Variants in PDGFB observed in about 807,000 individuals in gnomAD.
The protein encoded by PDGFB is platelet derived growth factor subunit B.
Under a neutral mutation model 29.0 loss-of-function variants are expected in PDGFB, and 6 were observed. The ratio of observed to expected loss-of-function variants is 0.21; its 90% CI spans 0.11 to 0.41. The LOEUF (loss-of-function observed/expected upper bound fraction) is 0.41, where lower values mean the gene tolerates loss of function less well. Ranked by LOEUF, PDGFB falls within the 10% of genes least tolerant of loss-of-function variation. The pLI is 1.00. For missense variants in PDGFB, 299 were observed against 341.8 expected (o/e 0.87, Z 0.99); for synonymous variants, 144 against 140.8 (o/e 1.02, Z -0.16).
intron 1 of PDGFB, among the ~76,000 whole-genome samples, chr22:39,238,158 A>G (rs1028876002): frequency 2.0e-5 from 3 of 152,196 alleles, no homozygotes; most frequent in Admixed American, 2.0e-4. Flanking sequence ...TGCCCCTCCA[A>G]GGCTGAGTGT....
chr22:39,228,893 A>AAAAAAAAAAAAAATATATAT (rs1184799325), intron 5 of PDGFB, among the ~76,000 whole-genome samples: 43 of 132,496 alleles, frequency 3.2e-4, no homozygotes, highest in Non-Finnish European at 6.4e-4. Context: ...CCTCAAAAAA[A>AAAAAAAAAAAAAATATATAT]ATATATATAT....
chr22:39,225,746 G>C lies in PDGFB; in HGVS notation c.703C>G (p.Leu235Val), dbSNP rs766113027. The change falls in exon 6 of 7, where the codon CTG becomes GTG. Residue 235 changes from leucine to valine, a missense_variant. Transcript: ENST00000331163. ...CCCTAGGCTCCAAGGGTCTCCTTCA[G>C]TGCCGTCTTGTCATGCGTGTGCTTG... Reference protein sequence around the residue: ...KFKHTHDKTALKETLGA With the variant: ...KFKHTHDKTAVKETLGA 1.5e-5 allele frequency: 24 copies of C among 1,614,008 alleles called. No homozygotes were observed. The highest frequency in any genetic ancestry group is 2.7e-5 in the African/African-American group (2 of 74,934).
In PDGFB at chr22:39,225,675, T is replaced by C; in HGVS notation, c.*28+20A>G. 6.3e-7 allele frequency: 1 copy of C among 1,591,330 alleles called. No homozygotes were observed. ...GAAAACACAGGATTCTGGGCCTCAGTTGCCCCGCCTGGCCCTCACCTGCCC... is the reference window on the plus strand; with the variant it reads ...GAAAACACAGGATTCTGGGCCTCAGCTGCCCCGCCTGGCCCTCACCTGCCC... On this transcript the variant is annotated intron_variant, in intron 6 of 6. Transcript: ENST00000331163.
At chr22:39,236,431 G>A (rs1316881245) in intron 1 of PDGFB, among the ~76,000 whole-genome samples, 1 of 152,186 alleles carries the variant, frequency 6.6e-6, no homozygotes, top group East Asian at 1.9e-4. Flanking sequence ...GGAGGCCCCA[G>A]GTCCTAGCGG....
At position 39,230,139 on chromosome 22, in the gene PDGFB, T is replaced by A; in HGVS notation, c.546A>T (p.Thr182=). The A allele has an allele frequency of 6.2e-7, 1 of 1,614,108 alleles. No homozygotes were observed. The highest frequency in any genetic ancestry group is 2.2e-5 in the East Asian group (1 of 44,890). The change falls in exon 5 of 7, where the codon ACA becomes ACT. Residue 182 remains threonine (T), a synonymous_variant. Transcript: ENST00000331163. Reference sequence around the variant, plus strand: ...GGGTCACAGGCCGTGCAGCTGCCACTGTCTCACACTTGCATGCCAGGTGGT... The same window carrying A: ...GGGTCACAGGCCGTGCAGCTGCCACAGTCTCACACTTGCATGCCAGGTGGT... ...LEDHLACKCE[T]VAAARPVTRS...
intron 3 of PDGFB, among the ~76,000 whole-genome samples, chr22:39,232,729 C>T (rs1441108232): frequency 1.3e-5 from 2 of 152,114 alleles, no homozygotes; most frequent in African/African-American, 2.4e-5. Context: ...ACCTCGTGAT[C>T]TGCCTGCCTC....
intron 3 of PDGFB, 76 bp downstream of exon 3, chr22:39,233,359 T>A (rs1932357488): frequency 8.9e-7 from 1 of 1,125,128 alleles, no homozygotes; most frequent in South Asian, 1.4e-5. Flanking sequence ...GCCCTCCGAC[T>A]GGCTGCCCGC....
rs1322042750 is a variant in PDGFB, at chr22:39,244,108, C to T, written c.-145G>A. The T allele has an allele frequency of 5.3e-6, 2 of 377,048 alleles. No homozygotes were observed. Among genetic ancestry groups the T allele is most frequent in the Non-Finnish European group, 9.1e-6 (2 of 220,476 alleles). 23.4% of individuals were successfully genotyped at this position (377,048 alleles called of 1,614,324 possible). The stretch of plus-strand genomic sequence containing the variant: ...CGCTCAGGCCTCTGCAGCCGCGGCT[C>T]ACCCGCATGGCCCCCGGGCGCCGCC... On this transcript the variant is annotated 5_prime_UTR_variant, in exon 1 of 7. Transcript: ENST00000331163. The surrounding 1 kb of genome is among the most constrained non-coding windows in gnomAD (Gnocchi z 4.5).
chr22:39,244,801 CTTT>C lies in PDGFB; in HGVS notation c.-841_-839del. Reference sequence around the variant, plus strand: ...CTTTGCAGCGAGGCTGGAGGGTGGGCTTTTTTTTTTTTTTTTCCTTTTTGCGCG... The same window carrying C: ...CTTTGCAGCGAGGCTGGAGGGTGGGCTTTTTTTTTTTTTCCTTTTTGCGCG... On this transcript the variant is annotated 5_prime_UTR_variant, in exon 1 of 7. Coordinates refer to ENST00000331163, the MANE Select transcript of PDGFB (RefSeq NM_002608.4). This position sits in a 1 kb window ranked among gnomAD's most constrained non-coding sequence, Gnocchi z 4.5. 36 of 158,746 alleles carry C rather than the reference CTTT, an allele frequency of 2.3e-4. No homozygotes were observed. Among genetic ancestry groups the C allele is most frequent in the South Asian group, 4.6e-4 (2 of 4,334 alleles). The allele number at this position is 158,746 out of a possible 1,614,324, so 9.8% of individuals were successfully genotyped here.
At chr22:39,237,940 G>A (rs1429912928) in intron 1 of PDGFB, among the ~76,000 whole-genome samples, 1 of 152,262 alleles carries the variant, frequency 6.6e-6, no homozygotes, top group Non-Finnish European at 1.5e-5. Flanking sequence ...CTGGCAGAAG[G>A]AGAACAAGAA....
chr22:39,241,278 G>C (rs1932563282), intron 1 of PDGFB: 1 of 410,894 alleles, frequency 2.4e-6, no homozygotes, highest in Non-Finnish European at 4.5e-6. Flanking sequence ...ATTAGTCCGA[G>C]CACGACCAGG....
chr22:39,233,551 C>T (rs375918285), intron 2 of PDGFB, 27 bp from the exon 3 acceptor site: 1 of 1,538,788 alleles, frequency 6.5e-7, no homozygotes, highest in Non-Finnish European at 8.8e-7. Context: ...AGTCAGACAC[C>T]AGGCGGCCCC....
chr22:39,240,988 T>G, intron 1 of PDGFB: 1 of 1,218,858 alleles, frequency 8.2e-7, no homozygotes, highest in Non-Finnish European at 1.2e-6. Flanking sequence ...ATCCTCCAAA[T>G]TCTGTTTGAC....
chr22:39,230,020 C>A (rs1026599830), intron 5 of PDGFB, 64 bp downstream of exon 5: 29 of 1,558,878 alleles, frequency 1.9e-5, no homozygotes, highest in Non-Finnish European at 2.5e-5. Flanking sequence ...TTTTTAAGAC[C>A]GGCCCCTGCC....
chr22:39,232,297 C>T (rs755752650), intron 3 of PDGFB, among the ~76,000 whole-genome samples: 1 of 152,220 alleles, frequency 6.6e-6, no homozygotes, highest in Non-Finnish European at 1.5e-5. Flanking sequence ...AAAGCCTCAG[C>T]TTCCTCCTCT....
At chr22:39,226,742 G>C (rs1351728518) in intron 5 of PDGFB, among the ~76,000 whole-genome samples, 1 of 152,154 alleles carries the variant, frequency 6.6e-6, no homozygotes, top group Non-Finnish European at 1.5e-5. Context: ...AGGCCACTGG[G>C]CTCTGGGCCA....
intron 6 of PDGFB, 65 bp from the exon 7 acceptor site, chr22:39,225,378 T>C (rs569883130): frequency 4.6e-6 from 1 of 217,300 alleles, no homozygotes; most frequent in African/African-American, 2.3e-5. Context: ...CATGTTCATA[T>C]GTCCCCGATG....
At chr22:39,230,375 T>C in intron 4 of PDGFB, 147 bp from the exon 5 acceptor site, 1 of 739,284 alleles carries the variant, frequency 1.4e-6, no homozygotes, top group Non-Finnish European at 2.3e-6. Context: ...GCAAAAGCTT[T>C]GGCCCAAACA....
chr22:39,241,394 C>T (rs1436159826), intron 1 of PDGFB, among the ~76,000 whole-genome samples: 1 of 152,266 alleles, frequency 6.6e-6, no homozygotes. Context: ...GTTCCATCCC[C>T]ATGCAGGTCC....
Sources: allele counts gnomAD v4.1 joint callset (sites outside exome capture counted in the v4.1 genomes callset), GRCh38; gene constraint gnomAD v4.1.1; non-coding constraint Gnocchi (gnomAD v3.1); transcripts MANE v1.5; gene names NCBI Gene and HGNC (gene_info 2026-07-23, HGNC 2026-07-21).